The following RAB6A variants were observed in gnomAD, a reference collection of about 807,000 sequenced individuals.
RAB6A encodes RAB6A, member RAS oncogene family.
A neutral mutation model predicts 32.3 loss-of-function variants in RAB6A; 8 were observed. The observed-to-expected ratio is 0.25, with a 90% CI of 0.15 to 0.45. The LOEUF is 0.45. RAB6A is among the 20% of genes least tolerant of loss of function. The pLI, the probability that RAB6A is intolerant of heterozygous loss-of-function variation, is 1.00. For synonymous variants in RAB6A, 73 were observed against 82.1 expected, an observed-to-expected ratio of 0.89 and a Z score of 0.60; for missense variants, 104 against 249.4, an observed-to-expected ratio of 0.42 and a Z score of 3.93.
intron 1 of RAB6A, among the ~76,000 whole-genome samples, chr11:73,746,633 G>A (rs1394640674): frequency 6.6e-6 from 1 of 152,048 alleles, no homozygotes; most frequent in Admixed American, 6.6e-5. Flanking sequence ...AGCTGGGGAT[G>A]GTGGTACACA....
At chr11:73,695,880 T>G (rs1402411422) in intron 6 of RAB6A, among the ~76,000 whole-genome samples, 1 of 152,204 alleles carries the variant, frequency 6.6e-6, no homozygotes, top group Non-Finnish European at 1.5e-5. Flanking sequence ...AATATGGTTC[T>G]CTGTAGAAAC....
intron 3 of RAB6A, among the ~76,000 whole-genome samples, chr11:73,720,180 CT>C (rs10688172): frequency 0.025 from 3,208 of 130,662 alleles, 95 homozygotes; most frequent in African/African-American, 0.08. Flanking sequence ...ATACACATTA[CT>C]TTTTTTTTTT....
chr11:73,681,515 G>A (rs1200493070), intron 6 of RAB6A, among the ~76,000 whole-genome samples: 1 of 152,052 alleles, frequency 6.6e-6, no homozygotes, highest in Non-Finnish European at 1.5e-5. Context: ...CAACTAATAT[G>A]TTTAAAAATG....
At chr11:73,734,927 C>T (rs1254471572) in intron 1 of RAB6A, among the ~76,000 whole-genome samples, 2 of 152,180 alleles carry the variant, frequency 1.3e-5, no homozygotes, top group Admixed American at 1.3e-4. Context: ...TATACTTGAG[C>T]ATCCTTAATC....
At chr11:73,748,264 C>T (rs1412707939) in intron 1 of RAB6A, among the ~76,000 whole-genome samples, 1 of 152,078 alleles carries the variant, frequency 6.6e-6, no homozygotes, top group Non-Finnish European at 1.5e-5. Context: ...AAATATTAAG[C>T]TCAAAAACGT....
At chr11:73,710,579 A>C (rs1331425982) in intron 5 of RAB6A, among the ~76,000 whole-genome samples, 4 of 151,828 alleles carry the variant, frequency 2.6e-5, no homozygotes, top group Non-Finnish European at 5.9e-5. Flanking sequence ...TCTACTAAAA[A>C]TATGAAAATT....
intron 6 of RAB6A, among the ~76,000 whole-genome samples, chr11:73,700,569 G>A (rs1945723846): frequency 9.3e-6 from 1 of 107,816 alleles, no homozygotes; most frequent in Non-Finnish European, 1.7e-5. Flanking sequence ...GGGTGACAGA[G>A]CAAGACCCTG....
chr11:73,740,643 C>A (rs921794270), intron 1 of RAB6A, among the ~76,000 whole-genome samples: 8 of 151,758 alleles, frequency 5.3e-5, no homozygotes, highest in Admixed American at 3.9e-4. Context: ...AATCCCAGCA[C>A]TTTGGGAGGC....
chr11:73,755,799 G>C (rs935292703), intron 1 of RAB6A, among the ~76,000 whole-genome samples: 1 of 149,306 alleles, frequency 6.7e-6, no homozygotes, highest in African/African-American at 2.5e-5. Flanking sequence ...AGGAAAGGAA[G>C]GGGGAGGTGG....
intron 6 of RAB6A, among the ~76,000 whole-genome samples, chr11:73,681,395 C>T (rs550669533): frequency 6.6e-6 from 1 of 152,240 alleles, no homozygotes; most frequent in South Asian, 2.1e-4. Context: ...CCTCACTTGG[C>T]TGAAATACAT....
chr11:73,722,339 A>ATT (rs1946153350), intron 2 of RAB6A: 4 of 10,662 alleles, frequency 3.8e-4, no homozygotes, highest in African/African-American at 8.5e-4. Context: ...ATATATATAT[A>ATT]TATATTTTTT....
At chr11:73,729,743 T>C (rs1294421217) in intron 2 of RAB6A, 1 of 152,334 alleles carries the variant, frequency 6.6e-6, no homozygotes. Context: ...ACTCCTTTCA[T>C]AGGCAAACCA....
Position 73,676,519 on chromosome 11 carries a change from GAA to G in RAB6A, c.*1377_*1378del, listed in dbSNP as rs933881393. 1 of 160,546 alleles carries G rather than the reference GAA, an allele frequency of 6.2e-6. No individual in the cohort carries two copies. Among genetic ancestry groups the G allele is most frequent in the Non-Finnish European group, 1.5e-5 (1 of 66,868 alleles). 9.9% of individuals were successfully genotyped at this position (160,546 alleles called of 1,614,324 possible). ...AGGCAAAGAAATAAATATCACCAAA[GAA>G]AAAAGATTAATTGTAGCTTAAATAT... is the stretch of plus-strand genomic sequence containing the variant. On this transcript the variant is annotated 3_prime_UTR_variant, in exon 8 of 8. Coordinates refer to ENST00000336083, the MANE Select transcript of RAB6A (RefSeq NM_198896.2).
chr11:73,682,556 G>A (rs914003305), intron 6 of RAB6A, among the ~76,000 whole-genome samples: 1 of 152,130 alleles, frequency 6.6e-6, no homozygotes, highest in Non-Finnish European at 1.5e-5. Flanking sequence ...CCAGCAACTA[G>A]GGAAGCTGAG....
At chr11:73,740,067 GA>G (rs58800693) in intron 1 of RAB6A, among the ~76,000 whole-genome samples, 1,221 of 88,022 alleles carry the variant, frequency 0.014, 12 homozygotes, top group African/African-American at 0.039. Context: ...TCAAAAAAAA[GA>G]AAAAAAAAAA....
At chr11:73,759,785 C>T (rs956840909) in intron 1 of RAB6A, among the ~76,000 whole-genome samples, 4 of 152,168 alleles carry the variant, frequency 2.6e-5, no homozygotes, top group Non-Finnish European at 4.4e-5. Flanking sequence ...CATGACATAG[C>T]ATCTGGCAGA....
At chr11:73,678,100 AC>A in intron 7 of RAB6A, 138 bp from the exon 8 acceptor site, 1 of 863,888 alleles carries the variant, frequency 1.2e-6, no homozygotes, top group Non-Finnish European at 1.9e-6. Context: ...TAGCCGCCTC[AC>A]CATATAAGGT....
chr11:73,715,777 T>C (rs1946042491), intron 5 of RAB6A, among the ~76,000 whole-genome samples: 1 of 152,218 alleles, frequency 6.6e-6, no homozygotes, highest in Admixed American at 6.5e-5. Flanking sequence ...TCAGTGCAAC[T>C]ACACAGTCTG....
Position 73,718,598 on chromosome 11 carries a change from A to C in RAB6A, c.289+15T>G. 6.3e-7 allele frequency: 1 copy of C among 1,591,572 alleles called. No homozygotes were observed. The highest frequency in any genetic ancestry group is 8.6e-7 in the Non-Finnish European group (1 of 1,165,002). On this transcript the variant is annotated intron_variant, in intron 4 of 7. Coordinates refer to ENST00000336083, the MANE Select transcript of RAB6A (RefSeq NM_198896.2). Reference sequence around the variant, plus strand: ...GTTGAAAGAAGATTAGAAATGCATAATTCCCTCCACTCACTTGTGATATCA... The same window carrying C: ...GTTGAAAGAAGATTAGAAATGCATACTTCCCTCCACTCACTTGTGATATCA...
Sources: allele counts gnomAD v4.1 joint callset (sites outside exome capture counted in the v4.1 genomes callset), GRCh38; gene constraint gnomAD v4.1.1; transcripts MANE v1.5; gene names NCBI Gene and HGNC (gene_info 2026-07-23, HGNC 2026-07-21).